The following LOXHD1 variants were observed in gnomAD, a reference collection of about 807,000 sequenced individuals.
LOXHD1 encodes lipoxygenase homology PLAT domains 1, also known as lipoxygenase homology domain-containing protein 1.
LOXHD1 carries 205 observed loss-of-function variants against 248.2 expected under a neutral mutation model. The ratio of observed to expected loss-of-function variants is 0.83; its 90% confidence interval spans 0.74 to 0.93. The LOEUF (loss-of-function observed/expected upper bound fraction) is 0.93. Ranked by LOEUF, LOXHD1 falls within the 40% of genes least tolerant of loss-of-function variation. LOXHD1 has a pLI of 0.00. For synonymous variants in LOXHD1, 1,113 were observed against 1,162.8 expected (o/e 0.96, Z 0.87); for missense variants, 2,930 against 2,971.6 (o/e 0.99, Z 0.33).
intron 12 of LOXHD1, among the ~76,000 whole-genome samples, chr18:46,586,678 C>A (rs1258903287): frequency 1.3e-5 from 2 of 152,162 alleles, no homozygotes; most frequent in Non-Finnish European, 2.9e-5. Context: ...GAACTCCTGA[C>A]CTCAGATGAT....
intron 6 of LOXHD1, among the ~76,000 whole-genome samples, chr18:46,608,119 A>C (rs1291739523): frequency 6.6e-6 from 1 of 151,188 alleles, no homozygotes; most frequent in Non-Finnish European, 1.5e-5. Context: ...CCCTACTCCT[A>C]GATGCTGTCT....
intron 15 of LOXHD1, among the ~76,000 whole-genome samples, chr18:46,571,554 C>T (rs2037752360): frequency 1.3e-5 from 2 of 152,228 alleles, no homozygotes; most frequent in South Asian, 4.1e-4. Flanking sequence ...ACAACATCAA[C>T]CCTGACCATC....
At chr18:46,522,512 A>G (rs1391733101) in intron 31 of LOXHD1, among the ~76,000 whole-genome samples, 3 of 152,202 alleles carry the variant, frequency 2.0e-5, no homozygotes, top group African/African-American at 7.2e-5. Flanking sequence ...GCTAACTCCC[A>G]ATGTACAGAC....
At chr18:46,628,039 T>C (rs1250582569) in intron 4 of LOXHD1, among the ~76,000 whole-genome samples, 1 of 152,168 alleles carries the variant, frequency 6.6e-6, no homozygotes, top group Admixed American at 6.5e-5. Flanking sequence ...TGAATGAATG[T>C]GCTTAACAGG....
At chr18:46,636,623 A>C (rs1296589073) in intron 4 of LOXHD1, among the ~76,000 whole-genome samples, 1 of 152,176 alleles carries the variant, frequency 6.6e-6, no homozygotes, top group Non-Finnish European at 1.5e-5. Flanking sequence ...GCTCCCTAAC[A>C]GTCTGTCCCA....
At chr18:46,591,167 A>G (rs2038160971) in intron 12 of LOXHD1, among the ~76,000 whole-genome samples, 1 of 152,182 alleles carries the variant, frequency 6.6e-6, no homozygotes, top group South Asian at 2.1e-4. Context: ...TTGTTTTTAT[A>G]TATTTTTACC....
intron 37 of LOXHD1, among the ~76,000 whole-genome samples, chr18:46,491,028 T>C (rs768626120): frequency 3.3e-5 from 5 of 152,108 alleles, no homozygotes; most frequent in Non-Finnish European, 5.9e-5. Flanking sequence ...CAAACACTTC[T>C]GAAGTGGAAT....
chr18:46,485,018 C>T lies in LOXHD1; in HGVS notation c.6182+1G>A. On this transcript the variant is annotated splice_donor_variant, in intron 39 of 40. Transcript: ENST00000642948. LOFTEE classifies it high-confidence loss of function. ...ACTTCCCATGGGCCTCCCCTTCCTACTTCCTAAAGGCCCGCTGCCTAGAAG... is the reference window on the plus strand; with the variant it reads ...ACTTCCCATGGGCCTCCCCTTCCTATTTCCTAAAGGCCCGCTGCCTAGAAG... 2 of 1,549,878 alleles carry T rather than the reference C, an allele frequency of 1.3e-6. No homozygotes were observed. The highest frequency in any genetic ancestry group is 1.7e-6 in the Non-Finnish European group (2 of 1,145,532).
At chr18:46,507,794 C>G (rs1047717349) in intron 35 of LOXHD1, 82 bp from the exon 36 acceptor site, 5 of 1,405,994 alleles carry the variant, frequency 3.6e-6, no homozygotes, top group African/African-American at 1.4e-5. Context: ...AGCCCCTCCC[C>G]GAATCCCAAC....
In LOXHD1 at chr18:46,488,972, T is replaced by C. The variant is rs1173962469; in HGVS notation, c.6049A>G (p.Thr2017Ala). 1.9e-6 allele frequency: 3 copies of C among 1,550,726 alleles called. No individual in the cohort carries two copies. The highest frequency in any genetic ancestry group is 2.6e-6 in the Non-Finnish European group (3 of 1,146,160). Residue 2017 changes from threonine (T) to alanine (A), a missense_variant and splice_region_variant, in exon 38 of 41, where the codon ACC (threonine) becomes GCC (alanine). By Grantham distance (58) the Thr-to-Ala change is moderately conservative (BLOSUM62 0). Coordinates refer to ENST00000642948, the MANE Select transcript of LOXHD1 (RefSeq NM_001384474.1). ...TGAGCCAATGATCTCCCCCACATAC[T>C]GGTCTCTTCCAGCTCATCACAGATC... ...NKICDELEET[T>A]YEIVIETGNG...
intron 29 of LOXHD1, among the ~76,000 whole-genome samples, chr18:46,525,281 T>C (rs1032293137): frequency 6.6e-6 from 1 of 152,130 alleles, no homozygotes; most frequent in Admixed American, 6.5e-5. Flanking sequence ...GTTCCCAGAC[T>C]CCTTAGCTAT....
intron 20 of LOXHD1, among the ~76,000 whole-genome samples, chr18:46,558,501 G>A (rs1201237102): frequency 6.6e-6 from 1 of 152,150 alleles, no homozygotes; most frequent in African/African-American, 2.4e-5. Flanking sequence ...AATTTTTAAA[G>A]GAGAACACTG....
chr18:46,561,115 G>C (rs1332214631), intron 18 of LOXHD1, among the ~76,000 whole-genome samples: 2 of 152,118 alleles, frequency 1.3e-5, no homozygotes, highest in East Asian at 3.9e-4. Flanking sequence ...CACACCCACA[G>C]AGGCCCAAGC....
At chr18:46,527,256 G>A (rs1229191107) in intron 29 of LOXHD1, among the ~76,000 whole-genome samples, 1 of 152,092 alleles carries the variant, frequency 6.6e-6, no homozygotes, top group Non-Finnish European at 1.5e-5. Context: ...GCCAGAGTCT[G>A]TAAATAAAGC....
intron 38 of LOXHD1, among the ~76,000 whole-genome samples, chr18:46,487,982 CA>C (rs2033187356): frequency 6.6e-6 from 1 of 152,150 alleles, no homozygotes; most frequent in South Asian, 2.1e-4. Context: ...TTGGGACTAC[CA>C]AAGGAGGGAT....
At chr18:46,477,128 C>T (rs942745254), downstream of LOXHD1, 10 of 715,906 alleles carry the variant, frequency 1.4e-5, no homozygotes, top group Non-Finnish European at 2.3e-5. Context: ...TAAAATACAC[C>T]ATCTTGATGG....
intron 7 of LOXHD1, among the ~76,000 whole-genome samples, chr18:46,602,924 A>T (rs2038360541): frequency 6.6e-6 from 1 of 152,222 alleles, no homozygotes; most frequent in African/African-American, 2.4e-5. Context: ...ACTAGGAGAC[A>T]TATAATATTC....
intron 4 of LOXHD1, among the ~76,000 whole-genome samples, chr18:46,628,962 G>A (rs765434716): frequency 2.0e-5 from 3 of 152,322 alleles, no homozygotes; most frequent in Admixed American, 6.5e-5. Flanking sequence ...TCCAGAGACC[G>A]AGTCCATGGT....
In LOXHD1 at chr18:46,503,627, T is replaced by C. The variant is rs576333250; in HGVS notation, c.5878+2211A>G. ...AAAGAAAACTCAGGAGTTTTTGTTT[T>C]GTTTTCATCTTAGGAAAGAGGAGAG... On this transcript the variant is annotated intron_variant, in intron 37 of 40. Transcript: ENST00000642948. Among the ~76,000 whole-genome samples the C allele has an allele frequency of 5.9e-5, 9 of 152,266 alleles. No individual in the cohort carries two copies. The East Asian group carries it at 1.7e-3, about 29-fold the overall frequency.
Sources: gnomAD v4.1 joint callset for allele counts (sites outside exome capture counted in the v4.1 genomes callset) on GRCh38, gnomAD v4.1.1 for gene constraint, MANE v1.5 for transcripts, NCBI Gene and HGNC (gene_info 2026-07-23, HGNC 2026-07-21) for gene names.